Variants in RAPGEF4 observed in about 807,000 individuals in gnomAD.
RAPGEF4 encodes Rap guanine nucleotide exchange factor 4, also known as RAP guanine-nucleotide-exchange factor (GEF) 4.
RAPGEF4 carries 66 observed loss-of-function variants against 147.9 expected under a neutral mutation model. The ratio of observed to expected loss-of-function variants is 0.45; its 90% confidence interval spans 0.37 to 0.55. The LOEUF (loss-of-function observed/expected upper bound fraction) is 0.55. Ranked by LOEUF, RAPGEF4 falls within the 20% of genes least tolerant of loss-of-function variation. RAPGEF4 has a pLI of 0.00. For missense variants in RAPGEF4, 1,071 were observed against 1,257.3 expected (o/e 0.85, Z 2.24); for synonymous variants, 419 against 442.7 (o/e 0.95, Z 0.67).
chr2:172,942,456 C>T (rs1459513790), intron 6 of RAPGEF4, among the ~76,000 whole-genome samples: 1 of 151,234 alleles, frequency 6.6e-6, no homozygotes, highest in Non-Finnish European at 1.5e-5. Flanking sequence ...TTTAATGAGC[C>T]TTTATTGTTT....
At chr2:172,967,240 G>C (rs766804510) in intron 9 of RAPGEF4, 21 bp from the exon 10 acceptor site, 17 of 1,604,396 alleles carry the variant, frequency 1.1e-5, no homozygotes, top group Non-Finnish European at 1.4e-5. Flanking sequence ...CAGCTGACAC[G>C]TGCTTCCATG....
intron 4 of RAPGEF4, among the ~76,000 whole-genome samples, chr2:172,903,368 C>CA (rs10712221): frequency 0.5 from 41,122 of 82,444 alleles, 9,631 homozygotes; most frequent in East Asian, 0.61. Context: ...GACTCCATCT[C>CA]AAAAAAAAAA....
In RAPGEF4 at chr2:173,020,628, G is replaced by A. The variant is rs1429106329; in HGVS notation, c.2166G>A (p.Val722=). The change falls in exon 23 of 31, where the codon GTG becomes GTA. Residue 722 remains valine (V), a synonymous_variant. Coordinates refer to ENST00000397081, the MANE Select transcript of RAPGEF4 (RefSeq NM_007023.4). ...VKMSSGGEKV[V]LKPNDVSVFT... ...TTTTTATGTTCACAGAAAAGGTGGT[G>A]CTCAAACCTAATGATGTTTCAGTAT... 1 of 1,612,740 alleles carries A rather than the reference G, an allele frequency of 6.2e-7. No individual in the cohort carries two copies. The highest frequency in any genetic ancestry group is 8.5e-7 in the Non-Finnish European group (1 of 1,179,374).
At chr2:173,004,302 A>G (rs1303150422) in intron 17 of RAPGEF4, among the ~76,000 whole-genome samples, 1 of 152,158 alleles carries the variant, frequency 6.6e-6, no homozygotes, top group Admixed American at 6.5e-5. Flanking sequence ...GAATACAAGT[A>G]CTTTATAATG....
chr2:172,871,042 G>A (rs780888355), intron 4 of RAPGEF4, among the ~76,000 whole-genome samples: 1 of 152,082 alleles, frequency 6.6e-6, no homozygotes, highest in East Asian at 1.9e-4. Context: ...TTTAAATGTG[G>A]CTTTTCCAGT....
At chr2:173,004,849 C>G (rs1309554583) in intron 17 of RAPGEF4, among the ~76,000 whole-genome samples, 2 of 151,798 alleles carry the variant, frequency 1.3e-5, no homozygotes, top group African/African-American at 2.4e-5. Context: ...TGGTAATATG[C>G]TGTTTTTCAC....
At chr2:172,890,284 C>T (rs1010977567) in intron 4 of RAPGEF4, among the ~76,000 whole-genome samples, 5 of 152,166 alleles carry the variant, frequency 3.3e-5, no homozygotes, top group Admixed American at 6.5e-5. Context: ...TGATGACTGG[C>T]GACAGCCATT....
At chr2:172,787,163 G>C (rs571118872) in intron 1 of RAPGEF4, among the ~76,000 whole-genome samples, 1 of 152,284 alleles carries the variant, frequency 6.6e-6, no homozygotes, top group Non-Finnish European at 1.5e-5. Flanking sequence ...GGTGAGCCAA[G>C]ATTATGCCCT....
intron 4 of RAPGEF4, among the ~76,000 whole-genome samples, chr2:172,899,371 A>T (rs980422642): frequency 6.6e-6 from 1 of 152,196 alleles, no homozygotes; most frequent in Non-Finnish European, 1.5e-5. Context: ...TCCGCATAGG[A>T]AAGTGTTTGC....
chr2:172,803,570 T>G (rs1392237575), intron 3 of RAPGEF4, among the ~76,000 whole-genome samples: 1 of 146,106 alleles, frequency 6.8e-6, no homozygotes, highest in South Asian at 2.2e-4. Context: ...ACCATGAAGA[T>G]CTCTGACATG....
intron 1 of RAPGEF4, among the ~76,000 whole-genome samples, chr2:172,794,283 A>T (rs1292756855): frequency 1.4e-5 from 2 of 143,912 alleles, no homozygotes; most frequent in African/African-American, 5.1e-5. Flanking sequence ...GGAGGCAGAG[A>T]TTGCAGTGAG....
At chr2:172,816,226 G>A (rs72908151) in intron 4 of RAPGEF4, among the ~76,000 whole-genome samples, 17,359 of 151,876 alleles carry the variant, frequency 0.11, 1,033 homozygotes, top group South Asian at 0.18. Context: ...AACGAGCCAT[G>A]TCTTACATTT....
intron 1 of RAPGEF4, among the ~76,000 whole-genome samples, chr2:172,746,577 A>G (rs930554214): frequency 3.9e-5 from 6 of 152,176 alleles, no homozygotes; most frequent in African/African-American, 1.2e-4. Context: ...ATGTAAGCAT[A>G]TCAAAATGGA....
At chr2:172,836,810 C>T (rs1275383585) in intron 4 of RAPGEF4, among the ~76,000 whole-genome samples, 1 of 152,242 alleles carries the variant, frequency 6.6e-6, no homozygotes, top group African/African-American at 2.4e-5. Flanking sequence ...CAAAGTGCCA[C>T]ATCAAAGTAC....
intron 4 of RAPGEF4, among the ~76,000 whole-genome samples, chr2:172,851,876 G>A (rs1692867318): frequency 6.6e-6 from 1 of 152,138 alleles, no homozygotes; most frequent in South Asian, 2.1e-4. Context: ...CCTGAGTGAT[G>A]AAATAATATA....
At chr2:172,920,477 T>C (rs1684627812) in intron 5 of RAPGEF4, among the ~76,000 whole-genome samples, 1 of 152,194 alleles carries the variant, frequency 6.6e-6, no homozygotes, top group African/African-American at 2.4e-5. Flanking sequence ...CATCTGGTGT[T>C]ATGTCTTAAA....
At chr2:172,882,095 T>A (rs1696697819) in intron 4 of RAPGEF4, among the ~76,000 whole-genome samples, 1 of 152,234 alleles carries the variant, frequency 6.6e-6, no homozygotes, top group Non-Finnish European at 1.5e-5. Context: ...AAATCCAACA[T>A]TTTTCTTCTA....
chr2:173,046,546 A>G (rs149387171), intron 29 of RAPGEF4, among the ~76,000 whole-genome samples: 1 of 152,370 alleles, frequency 6.6e-6, no homozygotes, highest in Non-Finnish European at 1.5e-5. Context: ...ATAATTCTAC[A>G]TGGAATATAC....
intron 6 of RAPGEF4, among the ~76,000 whole-genome samples, chr2:172,932,700 G>T (rs1330256697): frequency 6.6e-6 from 1 of 152,078 alleles, no homozygotes; most frequent in African/African-American, 2.4e-5. Flanking sequence ...TTTTACTCAT[G>T]TTAACTGTCC....
Sources: allele counts gnomAD v4.1 joint callset (sites outside exome capture counted in the v4.1 genomes callset), GRCh38; gene constraint gnomAD v4.1.1; transcripts MANE v1.5; gene names NCBI Gene and HGNC (gene_info 2026-07-23, HGNC 2026-07-21).